Variants in NELFB observed in about 807,000 individuals in gnomAD.
The protein encoded by NELFB is negative elongation factor B.
In NELFB, 34 loss-of-function variants were observed where a neutral mutation model predicts 60.2. The ratio of observed to expected loss-of-function variants is 0.56; its 90% CI spans 0.43 to 0.75. NELFB has a LOEUF of 0.75. NELFB is among the 30% of genes least tolerant of loss of function. NELFB has a pLI of 0.00. For synonymous variants in NELFB, 459 were observed against 382.1 expected (o/e 1.20, Z -2.35); for missense variants, 770 against 831.6 (o/e 0.93, Z 0.91).
At chr9:137,268,472 G>C (rs1006681362) in intron 10 of NELFB, among the ~76,000 whole-genome samples, 1 of 152,232 alleles carries the variant, frequency 6.6e-6, no homozygotes, top group Non-Finnish European at 1.5e-5. Flanking sequence ...TGTAATCTCA[G>C]CTACTTGGGA....
intron 2 of NELFB, 123 bp from the exon 3 acceptor site, chr9:137,256,206 C>T (rs2131472298): frequency 1.5e-6 from 2 of 1,340,578 alleles, no homozygotes; most frequent in East Asian, 2.3e-5. Context: ...TCTGAGTGAC[C>T]CCTTGACCCA....
intron 10 of NELFB, among the ~76,000 whole-genome samples, chr9:137,271,174 G>A (rs746915179): frequency 1.6e-4 from 25 of 152,274 alleles, no homozygotes; most frequent in Non-Finnish European, 3.2e-4. Context: ...TCCCCTGGTC[G>A]GGACTGTGTG....
intron 1 of NELFB, 133 bp from the exon 2 acceptor site, chr9:137,255,774 G>A (rs1588883389): frequency 6.7e-7 from 1 of 1,501,026 alleles, no homozygotes. Flanking sequence ...CTGGACGGCT[G>A]GGTGGCTTTC....
chr9:137,262,753 C>G (rs1830465222), intron 4 of NELFB, among the ~76,000 whole-genome samples: 2 of 152,104 alleles, frequency 1.3e-5, no homozygotes, highest in African/African-American at 4.8e-5. Flanking sequence ...ATCACTTGAG[C>G]CAGGAGGTCA....
At chr9:137,267,489 CCTTT>C in intron 10 of NELFB, 143 bp downstream of exon 10, 1 of 585,158 alleles carries the variant, frequency 1.7e-6, no homozygotes, top group Non-Finnish European at 3.0e-6. Flanking sequence ...TTTGTTTTCA[CCTTT>C]TTTTTTTTTT....
intron 4 of NELFB, among the ~76,000 whole-genome samples, chr9:137,258,449 A>C (rs1564441994): frequency 7.7e-6 from 1 of 129,384 alleles, no homozygotes. Context: ...TAATTAGCCA[A>C]TTTTTTTTTT....
rs77373605 is a variant in NELFB, at chr9:137,272,028, C to T, written c.1490-53C>T. 1.8e-3 allele frequency: 2,865 copies of T among 1,610,448 alleles called. 35 individuals carry two copies. In the African/African-American group the frequency reaches 0.032, roughly 18 times the overall value. The stretch of plus-strand genomic sequence containing the variant: ...TGAGGTCTTTGAGGACAAGGGTGCC[C>T]TCTGGGGTGGGCAGGGTGAGTGGCA... On this transcript the variant is annotated intron_variant, in intron 10 of 12. Coordinates refer to ENST00000343053, the MANE Select transcript of NELFB (RefSeq NM_015456.5).
At chr9:137,259,945 T>G (rs1418962067) in intron 4 of NELFB, among the ~76,000 whole-genome samples, 1 of 151,684 alleles carries the variant, frequency 6.6e-6, no homozygotes, top group African/African-American at 2.4e-5. Flanking sequence ...TTAGCCAGGA[T>G]GGTCTCAATC....
At chr9:137,258,005 A>G (rs992867777) in intron 4 of NELFB, among the ~76,000 whole-genome samples, 6 of 150,762 alleles carry the variant, frequency 4.0e-5, no homozygotes, top group African/African-American at 1.5e-4. Context: ...GGGTCTGGCT[A>G]TGTTGCTCAG....
chr9:137,263,271 GCCCT>G, intron 5 of NELFB, 49 bp downstream of exon 5: 5 of 1,504,882 alleles, frequency 3.3e-6, no homozygotes, highest in Non-Finnish European at 4.5e-6. Flanking sequence ...AGGTAGTGCT[GCCCT>G]CCCTCCCTCC....
chr9:137,257,808 CTTT>C (rs869029312), intron 4 of NELFB, among the ~76,000 whole-genome samples: 1 of 16,398 alleles, frequency 6.1e-5, no homozygotes, highest in Non-Finnish European at 2.4e-4. Context: ...GGCTTTTTTT[CTTT>C]TTTTTTCTTT....
At position 137,261,161 on chromosome 9, in the gene NELFB, T is replaced by C. The variant is rs1022759927; in HGVS notation, c.742-1876T>C. Among the ~76,000 whole-genome samples the C allele has an allele frequency of 2.7e-5, 4 of 147,326 alleles. No individual in the cohort carries two copies. The Admixed American group carries it at 2.7e-4, about 10-fold the overall frequency. On this transcript the variant is annotated intron_variant, in intron 4 of 12. Coordinates refer to ENST00000343053, the MANE Select transcript of NELFB (RefSeq NM_015456.5). Reference sequence around the variant, plus strand: ...ATCGAGACCATCCTGGCTAACATGGTGAAACCGCATCTACTAAAAATACAA... The same window carrying C: ...ATCGAGACCATCCTGGCTAACATGGCGAAACCGCATCTACTAAAAATACAA...
In NELFB at chr9:137,256,074, G is replaced by A. The variant is rs1314053078; in HGVS notation, c.410+4G>A. The A allele has an allele frequency of 6.2e-7, 1 of 1,612,440 alleles. No homozygotes were observed. The highest frequency in any genetic ancestry group is 1.7e-5 in the Admixed American group (1 of 60,026). On this transcript the variant is annotated splice_donor_region_variant and intron_variant, in intron 2 of 12. Transcript: ENST00000343053. ...CGGAGGGGAAGGCTGAGGAAAGGTG[G>A]GTCAGCGGGAGGGGTGGGCAGGTGA...
intron 2 of NELFB, 114 bp from the exon 3 acceptor site, chr9:137,256,215 C>T (rs887001744): frequency 1.5e-6 from 2 of 1,345,970 alleles, no homozygotes; most frequent in Middle Eastern, 4.0e-4. Flanking sequence ...CCCCTTGACC[C>T]ATGTGTCCTG....
At chr9:137,266,292 A>G in intron 7 of NELFB, 39 bp from the exon 8 acceptor site, 1 of 1,571,930 alleles carries the variant, frequency 6.4e-7, no homozygotes, top group South Asian at 1.1e-5. Context: ...GCCAGGACAC[A>G]GCTGCCTGGG....
intron 10 of NELFB, among the ~76,000 whole-genome samples, chr9:137,270,567 G>T (rs1338788273): frequency 6.7e-6 from 1 of 149,496 alleles, no homozygotes; most frequent in African/African-American, 2.5e-5. Flanking sequence ...TCCAGCCTGG[G>T]TGACAGAGCG....
intron 4 of NELFB, among the ~76,000 whole-genome samples, chr9:137,257,752 T>C (rs1432530928): frequency 6.6e-6 from 1 of 152,052 alleles, no homozygotes; most frequent in Admixed American, 6.6e-5. Flanking sequence ...TCCGCCCCCC[T>C]CGGCCTCCCA....
chr9:137,257,102 A>T lies in NELFB; in HGVS notation c.741+48A>T, dbSNP rs1379369550. On this transcript the variant is annotated intron_variant, in intron 4 of 12. Coordinates refer to ENST00000343053, the MANE Select transcript of NELFB (RefSeq NM_015456.5). ...GGGTGGGGCACCTCTTGGGGATGCC[A>T]CGGCTAGCGCCTTCAGCTGCCTGGG... The T allele has an allele frequency of 2.0e-6, 3 of 1,523,954 alleles. No individual in the cohort carries two copies. The Admixed American group carries it at 5.1e-5, about 26-fold the overall frequency. The allele number at this position is 1,523,954 out of a possible 1,614,324, so 94.4% of individuals were successfully genotyped here.
rs768015543 is a variant in NELFB at position 137,272,535 on chromosome 9, C to T, written c.1660C>T (p.Arg554Trp). ...GGAGAACGTGCACCGGCACGCGCTG[C>T]GGCTCCTCATTCACCTGCACCCCAG... The change falls in exon 12 of 13, where the codon CGG becomes TGG. Residue 554 changes from arginine (R) to tryptophan (W), a missense_variant. Arg to Trp is a moderately radical substitution (Grantham distance 101, BLOSUM62 -3). Transcript: ENST00000343053. 8 of 1,612,280 alleles carry T rather than the reference C, an allele frequency of 5.0e-6. No individual in the cohort carries two copies. The highest frequency in any genetic ancestry group is 1.7e-4 in the Middle Eastern group (1 of 6,054).
Sources: allele counts gnomAD v4.1 joint callset (sites outside exome capture counted in the v4.1 genomes callset), GRCh38; gene constraint gnomAD v4.1.1; transcripts MANE v1.5; gene names NCBI Gene and HGNC (gene_info 2026-07-23, HGNC 2026-07-21).